Variants in FOCAD observed in about 807,000 individuals in gnomAD.
FOCAD encodes KIAA1797.
In FOCAD, 198 loss-of-function variants were observed where a neutral mutation model predicts 225.6. That is an observed-to-expected ratio of 0.88 (90% CI 0.78 to 0.99). The LOEUF (loss-of-function observed/expected upper bound fraction) is 0.99, where lower values mean the gene tolerates loss of function less well. Among genes scored for constraint, FOCAD ranks in the 50% least tolerant of loss-of-function variants. FOCAD has a pLI of 0.00. For synonymous variants in FOCAD, 897 were observed against 755.0 expected (o/e 1.19, Z -3.08); for missense variants, 2,713 against 2,123.6 (o/e 1.28, Z -5.46).
chr9:20,829,418 T>C (rs1279716220), intron 15 of FOCAD, among the ~76,000 whole-genome samples: 7 of 70,566 alleles, frequency 9.9e-5, no homozygotes. Context: ...TTATTATCTG[T>C]TTTTTTTTCA....
At chr9:20,896,568 T>C (rs577822037) in intron 21 of FOCAD, among the ~76,000 whole-genome samples, 86 of 152,000 alleles carry the variant, frequency 5.7e-4, no homozygotes, top group African/African-American at 2.0e-3. Context: ...ATAATATATC[T>C]TTTTTTCATG....
At chr9:20,666,310 C>T (rs1169691056) in intron 2 of FOCAD, among the ~76,000 whole-genome samples, 1 of 151,994 alleles carries the variant, frequency 6.6e-6, no homozygotes, top group Non-Finnish European at 1.5e-5. Flanking sequence ...AGTGTCTTGC[C>T]CTGTAATCCC....
Position 20,978,305 on chromosome 9 carries a change from A to G in FOCAD, c.4262-34A>G, listed in dbSNP as rs773556314. 1.0e-5 allele frequency: 14 copies of G among 1,393,964 alleles called. No individual in the cohort carries two copies. In the Middle Eastern group the frequency reaches 5.5e-4, roughly 55 times the overall value. 86.3% of individuals were successfully genotyped at this position (1,393,964 alleles called of 1,614,324 possible). On this transcript the variant is annotated intron_variant, in intron 36 of 43. Coordinates refer to ENST00000338382, the MANE Select transcript of FOCAD (RefSeq NM_001375567.1). ...CTGAAAATGAGTCAGGAAAGTAACT[A>G]TATATTCAATTCTTTTCCTTTCTTG...
intron 4 of FOCAD, among the ~76,000 whole-genome samples, chr9:20,727,007 T>C (rs1331783592): frequency 1.3e-5 from 2 of 152,178 alleles, no homozygotes; most frequent in Non-Finnish European, 2.9e-5. Flanking sequence ...CATTACTATC[T>C]GAATTTGATG....
At position 20,948,170 on chromosome 9, in the gene FOCAD, A is replaced by G; in HGVS notation, c.3676-101A>G. ...ATGACAAATACAGCTTGTCATTAGG[A>G]AAGTTAGCACTAAAAGTGTTTATGT... is the stretch of plus-strand genomic sequence containing the variant. On this transcript the variant is annotated intron_variant, in intron 30 of 43. Transcript: ENST00000338382. 4.5e-6 allele frequency: 5 copies of G among 1,118,670 alleles called. No homozygotes were observed. In the East Asian group the frequency reaches 1.1e-4, roughly 24 times the overall value. The allele number at this position is 1,118,670 out of a possible 1,614,324, so 69.3% of individuals were successfully genotyped here.
intron 2 of FOCAD, among the ~76,000 whole-genome samples, chr9:20,662,435 G>C (rs1485991207): frequency 2.6e-5 from 4 of 152,102 alleles, no homozygotes; most frequent in Non-Finnish European, 5.9e-5. Flanking sequence ...AGAAGCAAGG[G>C]AATAAAGACT....
At chr9:20,853,939 C>T (rs887391448) in intron 15 of FOCAD, among the ~76,000 whole-genome samples, 6 of 151,646 alleles carry the variant, frequency 4.0e-5, no homozygotes, top group African/African-American at 1.5e-4. Context: ...TCTCTTATCC[C>T]GTTATTGTGT....
chr9:20,859,381 CAAA>C (rs761990067), intron 15 of FOCAD, among the ~76,000 whole-genome samples: 5 of 121,204 alleles, frequency 4.1e-5, no homozygotes, highest in Non-Finnish European at 3.5e-5. Flanking sequence ...AACTCCATCT[CAAA>C]AAAAAAAAAA....
chr9:20,872,497 C>T (rs1037258702), intron 18 of FOCAD, among the ~76,000 whole-genome samples: 1 of 147,364 alleles, frequency 6.8e-6, no homozygotes, highest in Non-Finnish European at 1.5e-5. Context: ...TCCCCACCCC[C>T]CCTTACTCTT....
intron 2 of FOCAD, among the ~76,000 whole-genome samples, chr9:20,671,180 A>G (rs995076796): frequency 6.6e-6 from 1 of 152,192 alleles, no homozygotes; most frequent in Admixed American, 6.6e-5. Flanking sequence ...ATGTCAGGCC[A>G]ATTAGAACTC....
intron 11 of FOCAD, among the ~76,000 whole-genome samples, chr9:20,812,738 A>G (rs1823223489): frequency 6.6e-6 from 1 of 152,050 alleles, no homozygotes; most frequent in Admixed American, 6.6e-5. Context: ...TCCTATCCAC[A>G]TTTTGCCATC....
At chr9:20,941,404 AG>A (rs1367310332) in intron 28 of FOCAD, among the ~76,000 whole-genome samples, 3 of 152,204 alleles carry the variant, frequency 2.0e-5, no homozygotes, top group Non-Finnish European at 4.4e-5. Context: ...CGCTTTGTAA[AG>A]GGCAAAGCGC....
At chr9:20,851,232 G>C (rs34955931) in intron 15 of FOCAD, among the ~76,000 whole-genome samples, 1 of 149,236 alleles carries the variant, frequency 6.7e-6, no homozygotes, top group South Asian at 2.1e-4. Flanking sequence ...TTCGTGGGGT[G>C]GGGGGGTGTT....
At chr9:20,668,103 G>A (rs956804420) in intron 2 of FOCAD, among the ~76,000 whole-genome samples, 14 of 152,020 alleles carry the variant, frequency 9.2e-5, no homozygotes, top group African/African-American at 2.4e-4. Context: ...CATTTCATAC[G>A]GCAGAGAAGA....
intron 11 of FOCAD, among the ~76,000 whole-genome samples, chr9:20,799,525 G>A (rs1359384121): frequency 6.6e-6 from 1 of 152,038 alleles, no homozygotes; most frequent in Non-Finnish European, 1.5e-5. Context: ...ATGAATCTGG[G>A]CGCTCCTGTA....
chr9:20,680,643 A>G (rs1465315302), upstream of FOCAD, among the ~76,000 whole-genome samples: 1 of 152,124 alleles, frequency 6.6e-6, no homozygotes, highest in Non-Finnish European at 1.5e-5. Context: ...TAGGACTAGG[A>G]GTCAGGGAAC....
chr9:20,762,186 T>C (rs540139517), intron 6 of FOCAD, among the ~76,000 whole-genome samples: 1 of 152,208 alleles, frequency 6.6e-6, no homozygotes, highest in African/African-American at 2.4e-5. Flanking sequence ...GGGAATACAT[T>C]ATTAAAGAGA....
chr9:20,995,613 G>A lies in FOCAD; in HGVS notation c.5390G>A (p.Arg1797Lys), dbSNP rs1302721843. 1 of 1,612,638 alleles carries A rather than the reference G, an allele frequency of 6.2e-7. No individual in the cohort carries two copies. Among genetic ancestry groups the A allele is most frequent in the Non-Finnish European group, 8.5e-7 (1 of 1,178,896 alleles). Residue 1797 changes from arginine to lysine, a missense_variant, in exon 44 of 44, where the codon AGA becomes AAA. By Grantham distance (26) the Arg-to-Lys change is conservative. Coordinates refer to ENST00000338382, the MANE Select transcript of FOCAD (RefSeq NM_001375567.1). ...PEFKKKAVWT[R>K]AYGW Reference sequence around the variant, plus strand: ...TTTAAGAAGAAAGCTGTATGGACCAGAGCATATGGTTGGTGAACAGTTTTG... The same window carrying A: ...TTTAAGAAGAAAGCTGTATGGACCAAAGCATATGGTTGGTGAACAGTTTTG...
At chr9:20,750,368 A>G (rs1563942624) in intron 5 of FOCAD, among the ~76,000 whole-genome samples, 2 of 152,214 alleles carry the variant, frequency 1.3e-5, no homozygotes, top group African/African-American at 2.4e-5. Flanking sequence ...TCTTGATGAT[A>G]ATCATAATTG....
Sources: allele counts gnomAD v4.1 joint callset (sites outside exome capture counted in the v4.1 genomes callset), GRCh38; gene constraint gnomAD v4.1.1; transcripts MANE v1.5; gene names NCBI Gene and HGNC (gene_info 2026-07-23, HGNC 2026-07-21).